GPR89A: variants seen among roughly 807,000 people sequenced by gnomAD.
The protein encoded by GPR89A is golgi pH regulator A.
A neutral mutation model predicts 52.0 loss-of-function variants in GPR89A; 16 were observed. The ratio of observed to expected loss-of-function variants is 0.31; its 90% CI spans 0.21 to 0.47. The LOEUF (loss-of-function observed/expected upper bound fraction) is 0.47. GPR89A is among the 20% of genes least tolerant of loss of function. The probability of loss-of-function intolerance (pLI) is 1.00; values close to 1 mark genes in which losing one functional copy is unlikely to be tolerated. For synonymous variants in GPR89A, 55 were observed against 150.9 expected (o/e 0.36, Z 4.66); for missense variants, 135 against 449.4 (o/e 0.30, Z 6.33).
chr1:145,620,463 T>TTAA (rs1158634471), intron 3 of GPR89A, among the ~76,000 whole-genome samples: 1 of 150,162 alleles, frequency 6.7e-6, no homozygotes, highest in Non-Finnish European at 1.5e-5. Flanking sequence ...TAACTTATAG[T>TTAA]TAATAACCCG....
chr1:145,660,684 C>A (rs1387997456), intron 10 of GPR89A, among the ~76,000 whole-genome samples: 2 of 150,626 alleles, frequency 1.3e-5, no homozygotes, highest in African/African-American at 2.5e-5. Context: ...ACTTTTATGC[C>A]GCCAAAAAAC....
intron 5 of GPR89A, among the ~76,000 whole-genome samples, chr1:145,624,682 G>A (rs1553688738): frequency 7.4e-6 from 1 of 135,110 alleles, no homozygotes; most frequent in Non-Finnish European, 1.6e-5. Flanking sequence ...AAGCTTAACT[G>A]CTATATAGTG....
At chr1:145,632,308 A>G (rs1649934477) in intron 7 of GPR89A, among the ~76,000 whole-genome samples, 1 of 152,016 alleles carries the variant, frequency 6.6e-6, no homozygotes, top group Non-Finnish European at 1.5e-5. Flanking sequence ...TATTTATTAT[A>G]TTCATCATGC....
At chr1:145,626,964 A>AAAG (rs1649553138) in intron 5 of GPR89A, among the ~76,000 whole-genome samples, 1 of 148,256 alleles carries the variant, frequency 6.7e-6, no homozygotes, top group South Asian at 2.2e-4. Flanking sequence ...AAAAAAAAAA[A>AAAG]GATAAGACCA....
At chr1:145,669,018 A>C (rs1553696966) in intron 12 of GPR89A, among the ~76,000 whole-genome samples, 2 of 151,490 alleles carry the variant, frequency 1.3e-5, no homozygotes, top group African/African-American at 2.4e-5. Context: ...CAGGGTCTAA[A>C]ATTCTCTTTT....
chr1:145,656,131 G>A (rs1453081818), intron 10 of GPR89A, among the ~76,000 whole-genome samples: 3 of 152,144 alleles, frequency 2.0e-5, no homozygotes, highest in Non-Finnish European at 1.5e-5. Flanking sequence ...ATTCTCCCCG[G>A]CACTGGCAGG....
rs1362388613 is a variant in GPR89A, at chr1:145,647,069, G to T, written c.817-106G>T. On this transcript the variant is annotated intron_variant, in intron 9 of 13. Coordinates refer to ENST00000313835, the MANE Select transcript of GPR89A (RefSeq NM_001097612.2). ...TAGTTTAATATTATTACAATGTATG[G>T]TTTTTTGACTTAGCCTGAACAGTGA... 12 of 1,510,758 alleles carry T rather than the reference G, an allele frequency of 7.9e-6. No individual in the cohort carries two copies. The African/African-American group carries it at 1.3e-4, about 16-fold the overall frequency. The allele number at this position is 1,510,758 out of a possible 1,614,324, so 93.6% of individuals were successfully genotyped here. A position where few individuals can be genotyped will look rare whatever the true frequency, so the allele number is the denominator to read the frequency against.
At chr1:145,666,030 C>T (rs1359735909) in intron 12 of GPR89A, among the ~76,000 whole-genome samples, 14 of 139,770 alleles carry the variant, frequency 1.0e-4, no homozygotes, top group African/African-American at 1.8e-4. Flanking sequence ...GATAATTTTA[C>T]CTCATTAAGA....
chr1:145,649,852 G>A (rs1553693259), intron 10 of GPR89A, among the ~76,000 whole-genome samples: 1 of 151,914 alleles, frequency 6.6e-6, no homozygotes, highest in South Asian at 2.1e-4. Flanking sequence ...TAATAGATAC[G>A]AGGTGATATT....
chr1:145,647,682 G>A (rs1651097475), intron 10 of GPR89A, among the ~76,000 whole-genome samples: 1 of 150,936 alleles, frequency 6.6e-6, no homozygotes, highest in South Asian at 2.1e-4. Flanking sequence ...TGGGCCGCCT[G>A]TAATCCCAGC....
At chr1:145,609,973 C>A (rs1399590900) in intron 1 of GPR89A, among the ~76,000 whole-genome samples, 6 of 152,304 alleles carry the variant, frequency 3.9e-5, no homozygotes, top group Non-Finnish European at 5.9e-5. Flanking sequence ...CTGCCTTCTT[C>A]CTCATTTCCA....
At chr1:145,620,151 A>G (rs1649040689) in intron 3 of GPR89A, among the ~76,000 whole-genome samples, 1 of 152,144 alleles carries the variant, frequency 6.6e-6, no homozygotes, top group African/African-American at 2.4e-5. Flanking sequence ...TGCATCTTTC[A>G]CTGCTATTTA....
At chr1:145,632,783 C>CT (rs1355885066) in intron 7 of GPR89A, among the ~76,000 whole-genome samples, 1 of 152,112 alleles carries the variant, frequency 6.6e-6, no homozygotes, top group African/African-American at 2.4e-5. Flanking sequence ...ATTGCTGGAT[C>CT]ATATGGCAAT....
intron 5 of GPR89A, among the ~76,000 whole-genome samples, chr1:145,628,259 A>C (rs1368236534): frequency 6.6e-6 from 1 of 152,236 alleles, no homozygotes. Flanking sequence ...TACTGAAATG[A>C]AAGTGAGAAC....
intron 5 of GPR89A, among the ~76,000 whole-genome samples, chr1:145,628,370 A>G (rs1649654111): frequency 6.6e-6 from 1 of 152,226 alleles, no homozygotes; most frequent in Non-Finnish European, 1.5e-5. Flanking sequence ...AAGATAAAAT[A>G]ATTTTAAACA....
chr1:145,611,750 C>T (rs1316742875), intron 1 of GPR89A, among the ~76,000 whole-genome samples: 1 of 151,838 alleles, frequency 6.6e-6, no homozygotes, highest in Non-Finnish European at 1.5e-5. Flanking sequence ...CCCAACTTCT[C>T]TGTCTTCAGT....
chr1:145,638,894 G>A (rs1188729800), intron 7 of GPR89A, among the ~76,000 whole-genome samples: 11 of 146,774 alleles, frequency 7.5e-5, no homozygotes, highest in Non-Finnish European at 1.2e-4. Flanking sequence ...AGGCTAAAGC[G>A]AGAGGATTGT....
chr1:145,646,948 G>A, intron 9 of GPR89A: 3 of 639,772 alleles, frequency 4.7e-6, no homozygotes, highest in Non-Finnish European at 2.6e-6. Context: ...CATAAGAATT[G>A]TTATGAAGAT....
At chr1:145,665,689 ATTTG>A in intron 12 of GPR89A, 38 bp downstream of exon 12, 1 of 1,017,334 alleles carries the variant, frequency 9.8e-7, no homozygotes, top group Non-Finnish European at 1.5e-6. Flanking sequence ...ACTGCTTATC[ATTTG>A]TTTAATTAAA....
Sources: allele counts gnomAD v4.1 joint callset (sites outside exome capture counted in the v4.1 genomes callset), GRCh38; gene constraint gnomAD v4.1.1; transcripts MANE v1.5; gene names NCBI Gene and HGNC (gene_info 2026-07-23, HGNC 2026-07-21).